Variants in CTXN2 observed in about 807,000 individuals in gnomAD.
The protein encoded by CTXN2 is cortexin 2, also known as cortexin-2.
CTXN2 carries 3 observed loss-of-function variants against 5.7 expected under a neutral mutation model. The ratio of observed to expected loss-of-function variants is 0.53; its 90% confidence interval spans 0.24 to 1.36. The LOEUF (loss-of-function observed/expected upper bound fraction) is 1.36. Among genes scored for constraint, CTXN2 ranks in the 40% most tolerant of loss-of-function variants. The probability of loss-of-function intolerance (pLI) is 0.17; values close to 1 mark genes in which losing one functional copy is unlikely to be tolerated. For missense variants in CTXN2, 87 were observed against 93.0 expected, an observed-to-expected ratio of 0.94 and a Z score of 0.26; for synonymous variants, 38 against 36.4, an observed-to-expected ratio of 1.04 and a Z score of -0.16.
chr15:48,197,563 AC>A (rs1361594243), intron 1 of CTXN2, among the ~76,000 whole-genome samples: 1 of 152,054 alleles, frequency 6.6e-6, no homozygotes, highest in African/African-American at 2.4e-5. Flanking sequence ...CTGACATCTA[AC>A]AGATACTCAA....
At chr15:48,189,253 T>A (rs2040789612), upstream of CTXN2, 7 of 152,228 alleles carry the variant, frequency 4.6e-5, no homozygotes, top group South Asian at 1.4e-3. Flanking sequence ...GTGTATGATG[T>A]CAATGACATA....
upstream of CTXN2, chr15:48,189,451 T>C (rs1463819693): frequency 6.6e-6 from 1 of 152,154 alleles, no homozygotes; most frequent in Non-Finnish European, 1.5e-5. Flanking sequence ...ATTATTGGAG[T>C]GGTGCTTATA....
chr15:48,193,978 C>T (rs1274598142), intron 1 of CTXN2, among the ~76,000 whole-genome samples: 1 of 152,124 alleles, frequency 6.6e-6, no homozygotes, highest in Non-Finnish European at 1.5e-5. Flanking sequence ...CTAAAACCAT[C>T]TATTTGCTGA....
intron 1 of CTXN2, among the ~76,000 whole-genome samples, chr15:48,181,191 T>TTAAG (rs2040699237): frequency 6.6e-6 from 1 of 152,230 alleles, no homozygotes; most frequent in South Asian, 2.1e-4. Context: ...TTTTACTCTC[T>TTAAG]TAAGTAAAAT....
chr15:48,188,825 G>A (rs904684742), upstream of CTXN2, among the ~76,000 whole-genome samples: 1 of 152,144 alleles, frequency 6.6e-6, no homozygotes, highest in Non-Finnish European at 1.5e-5. Context: ...ATATTGGCAA[G>A]GACCTGAAGT....
intron 1 of CTXN2, among the ~76,000 whole-genome samples, chr15:48,199,545 AGTTTCTCCTTCCATTAAATAAAT>A (rs2040911130): frequency 6.6e-6 from 1 of 152,204 alleles, no homozygotes; most frequent in African/African-American, 2.4e-5. Context: ...CCTGCTATTC[AGTTTCTCCTTCCATTAAATAAAT>A]GATCCAGTGA....
chr15:48,195,819 A>G (rs1324493814), intron 1 of CTXN2, among the ~76,000 whole-genome samples: 1 of 152,132 alleles, frequency 6.6e-6, no homozygotes, highest in African/African-American at 2.4e-5. Context: ...TATGTAAAGC[A>G]GTATTTGATA....
At chr15:48,183,978 A>G (rs2040724899) in intron 1 of CTXN2, among the ~76,000 whole-genome samples, 1 of 152,228 alleles carries the variant, frequency 6.6e-6, no homozygotes, top group Non-Finnish European at 1.5e-5. Flanking sequence ...TTTGAGCACT[A>G]TCTAAAGTCC....
intron 1 of CTXN2, among the ~76,000 whole-genome samples, chr15:48,194,157 A>G (rs1314791602): frequency 6.6e-6 from 1 of 152,074 alleles, no homozygotes; most frequent in African/African-American, 2.4e-5. Flanking sequence ...TATGATAAAT[A>G]TAAAAGCCTG....
At chr15:48,178,473 G>T (rs556559306) in intron 1 of CTXN2, 203 of 447,994 alleles carry the variant, frequency 4.5e-4, no homozygotes, top group African/African-American at 3.8e-3. Context: ...GGCCGCTGTT[G>T]CTGCAGTCGG....
intron 1 of CTXN2, among the ~76,000 whole-genome samples, chr15:48,193,704 G>C (rs1326376560): frequency 1.3e-5 from 2 of 152,008 alleles, no homozygotes; most frequent in African/African-American, 2.4e-5. Flanking sequence ...AATTGTGAAT[G>C]AATCAGTTTT....
chr15:48,190,228 G>C (rs887098577), upstream of CTXN2: 10 of 152,208 alleles, frequency 6.6e-5, no homozygotes, highest in African/African-American at 2.2e-4. Context: ...CTGCATTTTA[G>C]CAAGATCGTT....
At position 48,193,433 on chromosome 15, in the gene CTXN2, C is replaced by T. The variant is rs146335773; in HGVS notation, c.-58+1580C>T. 3.4e-3 allele frequency among the ~76,000 whole-genome samples: 516 copies of T among 152,068 alleles called. 3 individuals are homozygous for T. The highest frequency in any genetic ancestry group is 0.012 in the African/African-American group (501 of 41,516). On this transcript the variant is annotated intron_variant, in intron 1 of 1. Coordinates refer to ENST00000417307, the MANE Select transcript of CTXN2 (RefSeq NM_001145668.2). Reference sequence around the variant, plus strand: ...ATTTCAAATAACTTTTACCACTACCCAATTTTACATTCTACTTATTTTTGA... The same window carrying T: ...ATTTCAAATAACTTTTACCACTACCTAATTTTACATTCTACTTATTTTTGA...
intron 1 of CTXN2, among the ~76,000 whole-genome samples, chr15:48,193,065 T>C (rs965119979): frequency 1.3e-5 from 2 of 152,196 alleles, no homozygotes; most frequent in Non-Finnish European, 2.9e-5. Context: ...GTACTGATCA[T>C]AGGAAGACTT....
intron 1 of CTXN2, among the ~76,000 whole-genome samples, chr15:48,198,908 T>G (rs1024971681): frequency 6.6e-6 from 1 of 152,172 alleles, no homozygotes; most frequent in African/African-American, 2.4e-5. Context: ...AATGAACAGA[T>G]CATTAAAACT....
intron 1 of CTXN2, among the ~76,000 whole-genome samples, chr15:48,196,369 C>G (rs1414579127): frequency 6.6e-6 from 1 of 152,102 alleles, no homozygotes; most frequent in Admixed American, 6.6e-5. Context: ...TTCAGCCACA[C>G]TTTGTCAAAT....
At position 48,201,554 on chromosome 15, in the gene CTXN2, A is replaced by G. The variant is rs537218878; in HGVS notation, c.*8A>G. 1.9e-6 allele frequency: 3 copies of G among 1,550,442 alleles called. No individual in the cohort carries two copies. In the East Asian group the frequency reaches 7.3e-5, roughly 38 times the overall value. On this transcript the variant is annotated 3_prime_UTR_variant, in exon 2 of 2. Transcript: ENST00000417307. ...GAATATGCACTCGCGTGAGAGTTCC[A>G]GCTATATGGTTTTTATGGTTGTGCC...
At chr15:48,185,533 A>G (rs1329891416) in intron 1 of CTXN2, among the ~76,000 whole-genome samples, 1 of 152,190 alleles carries the variant, frequency 6.6e-6, no homozygotes, top group Admixed American at 6.5e-5. Flanking sequence ...AAACTTACAT[A>G]ACATCACAAC....
intron 1 of CTXN2, among the ~76,000 whole-genome samples, chr15:48,179,520 G>A (rs1403861165): frequency 6.6e-6 from 1 of 152,050 alleles, no homozygotes; most frequent in African/African-American, 2.4e-5. Context: ...ATTCAACTCT[G>A]AGACATAAGA....
Sources: gnomAD v4.1 joint callset for allele counts (sites outside exome capture counted in the v4.1 genomes callset) on GRCh38, gnomAD v4.1.1 for gene constraint, MANE v1.5 for transcripts, NCBI Gene and HGNC (gene_info 2026-07-23, HGNC 2026-07-21) for gene names.